ADGRG6: variants seen among roughly 807,000 people sequenced by gnomAD.
The protein encoded by ADGRG6 is G-protein coupled receptor 126.
Under a neutral mutation model 142.4 loss-of-function variants are expected in ADGRG6, and 84 were observed. That is an observed-to-expected ratio of 0.59 (90% CI 0.49 to 0.71). The LOEUF (loss-of-function observed/expected upper bound fraction) is 0.71. Ranked by LOEUF, ADGRG6 falls within the 30% of genes least tolerant of loss-of-function variation. ADGRG6 has a pLI of 0.00. For missense variants in ADGRG6, 1,367 were observed against 1,466.6 expected (o/e 0.93, Z 1.11); for synonymous variants, 521 against 520.5 (o/e 1.00, Z -0.01).
chr6:142,409,166 C>T (rs114778637), intron 16 of ADGRG6, among the ~76,000 whole-genome samples: 2,135 of 152,174 alleles, frequency 0.014, 52 homozygotes, highest in African/African-American at 0.048. Flanking sequence ...ATACCCATTC[C>T]CTGTTCTCTC....
At chr6:142,415,539 A>T (rs963544562) in intron 19 of ADGRG6, among the ~76,000 whole-genome samples, 29 of 152,168 alleles carry the variant, frequency 1.9e-4, no homozygotes, top group African/African-American at 6.8e-4. Context: ...TTAAAAAAAA[A>T]TTCAGTTGAA....
chr6:142,405,938 T>G (rs1460633830), intron 15 of ADGRG6, 110 bp downstream of exon 15: 2 of 719,958 alleles, frequency 2.8e-6, no homozygotes, highest in African/African-American at 3.6e-5. Flanking sequence ...TTAGAAAAAT[T>G]TACTGTGTTT....
intron 24 of ADGRG6, 69 bp downstream of exon 24, chr6:142,438,433 A>G: frequency 9.5e-7 from 1 of 1,050,248 alleles, no homozygotes; most frequent in Non-Finnish European, 1.4e-6. Context: ...CATATCATGA[A>G]GATTGATAAA....
intron 2 of ADGRG6, among the ~76,000 whole-genome samples, chr6:142,312,919 G>A (rs1268882307): frequency 6.6e-6 from 1 of 152,010 alleles, no homozygotes; most frequent in African/African-American, 2.4e-5. Flanking sequence ...TGATAATAAT[G>A]TTAAATTAAA....
Position 142,415,968 on chromosome 6 carries a change from A to G in ADGRG6, c.2842A>G (p.Met948Val). 9 of 1,613,092 alleles carry G rather than the reference A, an allele frequency of 5.6e-6. No individual in the cohort carries two copies. Among genetic ancestry groups the G allele is most frequent in the East Asian group, 2.2e-5 (1 of 44,864 alleles). ...CTTCCTTCTGGCAACCTTTACCTGG[A>G]TGGGGCTAGAAGCAATTCACATGTA... ...HFFLLATFTW[M>V]GLEAIHMYIA... The change falls in exon 20 of 25, where the codon ATG becomes GTG. Residue 948 changes from methionine to valine, a missense_variant. Around this residue, in one of 3 missense-constraint regions of ADGRG6, gnomAD observed 286 missense variants for 371.4 expected, o/e 0.77. Coordinates refer to ENST00000367609, the MANE Select transcript of ADGRG6 (RefSeq NM_198569.3).
chr6:142,318,259 T>TTA (rs1397216629), intron 2 of ADGRG6, among the ~76,000 whole-genome samples: 9 of 59,198 alleles, frequency 1.5e-4, no homozygotes, highest in Non-Finnish European at 2.2e-4. Context: ...TTATATATAT[T>TTA]TATTATATAT....
chr6:142,385,342 G>T (rs968420463), intron 6 of ADGRG6, among the ~76,000 whole-genome samples: 4 of 152,132 alleles, frequency 2.6e-5, no homozygotes, highest in Admixed American at 6.5e-5. Context: ...ATCTAATTCA[G>T]ATAATTCTTA....
chr6:142,441,452 C>T (rs923878684), intron 24 of ADGRG6, among the ~76,000 whole-genome samples: 1 of 152,086 alleles, frequency 6.6e-6, no homozygotes, highest in Non-Finnish European at 1.5e-5. Flanking sequence ...TTCAGACTTG[C>T]AACTATAATC....
intron 20 of ADGRG6, among the ~76,000 whole-genome samples, chr6:142,416,417 G>A (rs1313019393): frequency 1.3e-5 from 2 of 152,106 alleles, no homozygotes; most frequent in Non-Finnish European, 2.9e-5. Context: ...CAGCTCAGAC[G>A]GCTAGTTACA....
At chr6:142,339,076 G>A (rs944113821) in intron 2 of ADGRG6, among the ~76,000 whole-genome samples, 2 of 152,050 alleles carry the variant, frequency 1.3e-5, no homozygotes, top group Non-Finnish European at 2.9e-5. Context: ...TTTTTAACCT[G>A]TCTCTCACAG....
At chr6:142,424,789 C>T (rs1350070824) in intron 22 of ADGRG6, among the ~76,000 whole-genome samples, 2 of 152,092 alleles carry the variant, frequency 1.3e-5, no homozygotes, top group Non-Finnish European at 2.9e-5. Flanking sequence ...GTCCCTCTGC[C>T]TCATGGAATT....
chr6:142,423,314 C>G (rs1480047687), intron 22 of ADGRG6, among the ~76,000 whole-genome samples: 6 of 148,272 alleles, frequency 4.0e-5, no homozygotes, highest in African/African-American at 9.9e-5. Flanking sequence ...ACGTTTAAAT[C>G]TTTAATCCAT....
chr6:142,318,373 A>C (rs1198155229), intron 2 of ADGRG6, among the ~76,000 whole-genome samples: 1 of 100,068 alleles, frequency 1.0e-5, no homozygotes, highest in African/African-American at 4.3e-5. Context: ...ATTTATATAT[A>C]TTTATATATT....
rs75291593 is a variant in ADGRG6 at position 142,306,346 on chromosome 6, C to T, written c.3-3198C>T. ...TAGAAGGGTTACATTCTAAAGCTTC[C>T]GGAAACAGGACTAAAGCAAATTGTA... On this transcript the variant is annotated intron_variant, in intron 1 of 24. Transcript: ENST00000367609. Among the ~76,000 whole-genome samples, 440 of 152,174 alleles carry T rather than the reference C, an allele frequency of 2.9e-3. 3 individuals are homozygous for T. The highest frequency in any genetic ancestry group is 9.9e-3 in the African/African-American group (412 of 41,520).
At position 142,437,601 on chromosome 6, in the gene ADGRG6, A is replaced by T. The variant is rs1371349274; in HGVS notation, c.3421+66A>T. 3.7e-6 allele frequency: 3 copies of T among 811,064 alleles called. No individual in the cohort carries two copies. The East Asian group carries it at 7.3e-5, about 20-fold the overall frequency. 50.2% of individuals were successfully genotyped at this position (811,064 alleles called of 1,614,324 possible). ...GGGAAAGTTTGTCATTCAGTCTTTC[A>T]TTGTCAGAGCAACCCAGTCCCAGTG... On this transcript the variant is annotated intron_variant, in intron 23 of 24. Transcript: ENST00000367609.
chr6:142,312,499 G>A (rs1478920623), intron 2 of ADGRG6, among the ~76,000 whole-genome samples: 1 of 151,962 alleles, frequency 6.6e-6, no homozygotes, highest in Non-Finnish European at 1.5e-5. Context: ...TTGTACCATA[G>A]AAGTATGCCT....
Position 142,370,302 on chromosome 6 carries a change from G to T in ADGRG6, c.578G>T (p.Gly193Val), listed in dbSNP as rs758028626. 2 of 1,613,806 alleles carry T rather than the reference G, an allele frequency of 1.2e-6. No individual in the cohort carries two copies. The highest frequency in any genetic ancestry group is 8.5e-7 in the Non-Finnish European group (1 of 1,179,814). Residue 193 changes from glycine to valine, a missense_variant, in exon 4 of 25, where the codon GGC (glycine) becomes GTC (valine). Transcript: ENST00000367609. ...CTCTGCTTTGAAGCAACCAAAGTTG[G>T]CCATGAAGACAGTGATTGGACAGCT... ...FTLCFEATKV[G>V]HEDSDWTAFS...
At chr6:142,442,059 A>G (rs1219258454) in intron 24 of ADGRG6, among the ~76,000 whole-genome samples, 3 of 152,218 alleles carry the variant, frequency 2.0e-5, no homozygotes, top group Non-Finnish European at 2.9e-5. Context: ...GTTTCCAAAG[A>G]CAACAGATAT....
At chr6:142,424,242 T>G (rs1421528303) in intron 22 of ADGRG6, among the ~76,000 whole-genome samples, 4 of 100,360 alleles carry the variant, frequency 4.0e-5, no homozygotes, top group African/African-American at 1.5e-4. Context: ...CATCCCTGTC[T>G]TGTGCCAGTT....
Sources: allele counts gnomAD v4.1 joint callset (sites outside exome capture counted in the v4.1 genomes callset), GRCh38; gene constraint gnomAD v4.1.1; regional missense constraint gnomAD v4.1.1; transcripts MANE v1.5; gene names NCBI Gene and HGNC (gene_info 2026-07-23, HGNC 2026-07-21).